TAOK3: variants seen among roughly 807,000 people sequenced by gnomAD.
TAOK3 encodes serine/threonine-protein kinase TAO3.
In TAOK3, 40 loss-of-function variants were observed where a neutral mutation model predicts 120.4. The observed-to-expected ratio is 0.33, with a 90% CI of 0.26 to 0.43. The LOEUF (loss-of-function observed/expected upper bound fraction) is 0.43, where lower values mean the gene tolerates loss of function less well. Among genes scored for constraint, TAOK3 ranks in the 20% least tolerant of loss-of-function variants. The pLI is 1.00. For synonymous variants in TAOK3, 355 were observed against 387.5 expected (o/e 0.92, Z 0.99); for missense variants, 821 against 1,112.1 (o/e 0.74, Z 3.72).
At chr12:118,354,211 A>G (rs181514640) in intron 1 of TAOK3, among the ~76,000 whole-genome samples, 1 of 152,320 alleles carries the variant, frequency 6.6e-6, no homozygotes, top group Admixed American at 6.5e-5. Context: ...ACTACAATGA[A>G]GCTTAATTTA....
intron 1 of TAOK3, among the ~76,000 whole-genome samples, chr12:118,297,365 T>G (rs1593452135): frequency 6.6e-6 from 1 of 152,256 alleles, no homozygotes. Context: ...ATTTCACGTC[T>G]GCTTTCTATG....
In TAOK3 at chr12:118,263,958, C is replaced by T. The variant is rs149274295; in HGVS notation, c.-89+2697G>A. Among the ~76,000 whole-genome samples, 637 of 152,190 alleles carry T rather than the reference C, an allele frequency of 4.2e-3. 9 individuals are homozygous for T. Among genetic ancestry groups the T allele is most frequent in the Middle Eastern group, 0.014 (4 of 294 alleles). On this transcript the variant is annotated intron_variant, in intron 2 of 20. Transcript: ENST00000392533. ...GTGAGCGCCTGTAATCCCAGCTACT[C>T]GGGAGGCTGAGGAAGGAGAAGTGCT...
chr12:118,365,458 AG>A (rs2045717983), intron 1 of TAOK3, among the ~76,000 whole-genome samples: 1 of 152,080 alleles, frequency 6.6e-6, no homozygotes, highest in Non-Finnish European at 1.5e-5. Context: ...TGTGTTGCCC[AG>A]CCTGGTCTTG....
chr12:118,270,669 CTTT>C (rs761296706), intron 1 of TAOK3, among the ~76,000 whole-genome samples: 1 of 125,968 alleles, frequency 7.9e-6, no homozygotes, highest in African/African-American at 3.1e-5. Context: ...CTAAATGTCA[CTTT>C]TTTTTTTTTT....
chr12:118,355,566 A>G (rs1419215966), intron 1 of TAOK3, among the ~76,000 whole-genome samples: 1 of 152,240 alleles, frequency 6.6e-6, no homozygotes, highest in Non-Finnish European at 1.5e-5. Context: ...GAGGAAGGGC[A>G]TAAATAAGAT....
chr12:118,264,960 G>A (rs764428265), intron 2 of TAOK3, among the ~76,000 whole-genome samples: 2 of 152,006 alleles, frequency 1.3e-5, no homozygotes, highest in South Asian at 2.1e-4. Flanking sequence ...TTTTAATCTC[G>A]GAGGCAGAGG....
intron 1 of TAOK3, among the ~76,000 whole-genome samples, chr12:118,352,511 A>AT (rs973901945): frequency 2.0e-5 from 3 of 151,924 alleles, no homozygotes; most frequent in African/African-American, 7.3e-5. Flanking sequence ...TCTCAAAAAA[A>AT]AAAAAATCAT....
intron 15 of TAOK3, among the ~76,000 whole-genome samples, chr12:118,178,258 A>G (rs2036474090): frequency 6.6e-6 from 1 of 152,190 alleles, no homozygotes; most frequent in Non-Finnish European, 1.5e-5. Context: ...GGTCAGAACT[A>G]AGGATTTAGT....
rs374592607 is a variant in TAOK3 at position 118,233,716 on chromosome 12, T to G, written c.601A>C (p.Lys201Gln). The change falls in exon 9 of 21, where the codon AAA becomes CAA. Residue 201 changes from lysine to glutamine, a missense_variant. Around this residue, in one of 2 missense-constraint regions of TAOK3, gnomAD observed 467 missense variants for 540.0 expected, o/e 0.86. Coordinates refer to ENST00000392533, the MANE Select transcript of TAOK3 (RefSeq NM_016281.4). ...ATGCCAAGTGACCAAATATCAACTT[T>G]CCCATCATACTGTCCTTCATCCATA... is the stretch of plus-strand genomic sequence containing the variant. ...LAMDEGQYDG[K>Q]VDIWSLGITC... The G allele has an allele frequency of 5.8e-5, 93 of 1,610,492 alleles. No homozygotes were observed. In the East Asian group the frequency reaches 2.0e-3, roughly 35 times the overall value.
chr12:118,266,809 TC>T, intron 1 of TAOK3, 50 bp from the exon 2 acceptor site: 6 of 391,306 alleles, frequency 1.5e-5, no homozygotes, highest in Non-Finnish European at 2.3e-5. Context: ...AATTAAAGAA[TC>T]AATAATTGCT....
intron 11 of TAOK3, among the ~76,000 whole-genome samples, chr12:118,209,552 C>T (rs2038512869): frequency 1.3e-5 from 2 of 152,056 alleles, no homozygotes; most frequent in South Asian, 4.1e-4. Context: ...GTGTGAACCA[C>T]CATGCCTGGC....
At chr12:118,199,994 A>G (rs2139257169) in intron 12 of TAOK3, 1 of 152,356 alleles carries the variant, frequency 6.6e-6, no homozygotes, top group South Asian at 2.1e-4. Flanking sequence ...AATTAAATCC[A>G]TTTAGCTACA....
intron 1 of TAOK3, among the ~76,000 whole-genome samples, chr12:118,280,064 CT>C (rs35109102): frequency 0.31 from 41,333 of 133,758 alleles, 6,304 homozygotes; most frequent in East Asian, 0.52. Flanking sequence ...CGCGCCCCAC[CT>C]TTTTTTTTTT....
At chr12:118,349,308 A>G (rs1267957249) in intron 1 of TAOK3, among the ~76,000 whole-genome samples, 1 of 152,252 alleles carries the variant, frequency 6.6e-6, no homozygotes, top group Non-Finnish European at 1.5e-5. Flanking sequence ...AAAAACTTGT[A>G]TATTTACTGT....
intron 1 of TAOK3, among the ~76,000 whole-genome samples, chr12:118,267,418 T>A (rs1346592423): frequency 6.6e-6 from 1 of 151,060 alleles, no homozygotes; most frequent in Non-Finnish European, 1.5e-5. Flanking sequence ...TTTCACCATG[T>A]TGGCCAGGCT....
intron 1 of TAOK3, among the ~76,000 whole-genome samples, chr12:118,342,899 A>T (rs531366897): frequency 6.9e-6 from 1 of 144,628 alleles, no homozygotes; most frequent in African/African-American, 2.6e-5. Flanking sequence ...CTGCCATTGC[A>T]CTCCAGCCTG....
chr12:118,264,017 G>T lies in TAOK3; in HGVS notation c.-89+2638C>A, dbSNP rs144426027. 3.2e-3 allele frequency among the ~76,000 whole-genome samples: 485 copies of T among 152,348 alleles called. 4 individuals are homozygous for T. The highest frequency in any genetic ancestry group is 0.011 in the African/African-American group (465 of 41,578). On this transcript the variant is annotated intron_variant, in intron 2 of 20. Transcript: ENST00000392533. Reference sequence around the variant, plus strand: ...GGAGGTGGAAGTTGCAGTGAGCCAAGATTGTGCCATTGCACTCCAGCCTGG... The same window carrying T: ...GGAGGTGGAAGTTGCAGTGAGCCAATATTGTGCCATTGCACTCCAGCCTGG...
intron 9 of TAOK3, among the ~76,000 whole-genome samples, chr12:118,216,820 T>C (rs1327995586): frequency 6.6e-6 from 1 of 151,324 alleles, no homozygotes; most frequent in African/African-American, 2.4e-5. Flanking sequence ...TTCCAGCTAC[T>C]TGGGAGGCTG....
At chr12:118,269,824 C>A (rs999997293) in intron 1 of TAOK3, among the ~76,000 whole-genome samples, 5 of 152,140 alleles carry the variant, frequency 3.3e-5, no homozygotes, top group African/African-American at 1.2e-4. Flanking sequence ...TACAATATTG[C>A]ATTGCTATTG....
Sources: allele counts gnomAD v4.1 joint callset (sites outside exome capture counted in the v4.1 genomes callset), GRCh38; gene constraint gnomAD v4.1.1; regional missense constraint gnomAD v4.1.1; transcripts MANE v1.5; gene names NCBI Gene and HGNC (gene_info 2026-07-23, HGNC 2026-07-21).